BBS9: variants seen among roughly 807,000 people sequenced by gnomAD.
BBS9 encodes Bardet-Biedl syndrome 9.
Under a neutral mutation model 117.7 loss-of-function variants are expected in BBS9, and 89 were observed. The observed-to-expected ratio is 0.76, with a 90% CI of 0.64 to 0.90. BBS9 has a LOEUF of 0.90. BBS9 is among the 40% of genes least tolerant of loss of function. The pLI is 0.00. For synonymous variants in BBS9, 379 were observed against 370.9 expected (o/e 1.02, Z -0.25); for missense variants, 982 against 1,042.2 (o/e 0.94, Z 0.80).
chr7:33,428,286 G>T (rs1386629940), intron 19 of BBS9, among the ~76,000 whole-genome samples: 1 of 152,116 alleles, frequency 6.6e-6, no homozygotes, highest in Non-Finnish European at 1.5e-5. Flanking sequence ...GTGGTTCTAG[G>T]ATATTATCTC....
At chr7:33,542,788 TGTACACAC>T (rs1405695469) in intron 21 of BBS9, among the ~76,000 whole-genome samples, 3 of 107,468 alleles carry the variant, frequency 2.8e-5, no homozygotes, top group African/African-American at 7.0e-5. Flanking sequence ...TATATATATA[TGTACACAC>T]ACACACACAC....
At position 33,340,946 on chromosome 7, in the gene BBS9, G is replaced by A. The variant is rs1368268385; in HGVS notation, c.1248G>A (p.Val416=). The change falls in exon 11 of 23, where the codon GTG becomes GTA. Residue 416 remains valine (V), a synonymous_variant. Coordinates refer to ENST00000242067, the MANE Select transcript of BBS9 (RefSeq NM_198428.3). ...AAGATGACTTGAACGTTTCTGTCGTGGTTTCTCCTAACTTTGATTCAGTTT... is the reference window on the plus strand; with the variant it reads ...AAGATGACTTGAACGTTTCTGTCGTAGTTTCTCCTAACTTTGATTCAGTTT... ...EREDDLNVSV[V]VSPNFDSVSQ... 1 of 1,613,416 alleles carries A rather than the reference G, an allele frequency of 6.2e-7. No homozygotes were observed. The highest frequency in any genetic ancestry group is 8.5e-7 in the Non-Finnish European group (1 of 1,179,654).
intron 9 of BBS9, among the ~76,000 whole-genome samples, chr7:33,304,036 GGCC>G (rs1807210550): frequency 2.7e-5 from 4 of 149,348 alleles, no homozygotes; most frequent in Admixed American, 1.3e-4. Context: ...GCCTCTGCCC[GGCC>G]GCCACCCCAT....
intron 9 of BBS9, among the ~76,000 whole-genome samples, chr7:33,293,908 G>A (rs1804616024): frequency 6.6e-6 from 1 of 151,984 alleles, no homozygotes; most frequent in Non-Finnish European, 1.5e-5. Flanking sequence ...TCTACATAAA[G>A]TGTAGGTTTT....
At chr7:33,571,466 T>A (rs1352245176) in intron 21 of BBS9, among the ~76,000 whole-genome samples, 3 of 152,100 alleles carry the variant, frequency 2.0e-5, no homozygotes, top group African/African-American at 7.2e-5. Context: ...TATTCTGAGT[T>A]TGCTGAAAGT....
At chr7:33,254,528 A>G (rs1031947534) in intron 5 of BBS9, among the ~76,000 whole-genome samples, 6 of 152,332 alleles carry the variant, frequency 3.9e-5, no homozygotes, top group Admixed American at 3.3e-4. Context: ...TGTGATGAGA[A>G]CAAAGATCTA....
intron 5 of BBS9, among the ~76,000 whole-genome samples, chr7:33,206,371 G>A (rs150712873): frequency 9.3e-4 from 142 of 152,264 alleles, no homozygotes; most frequent in African/African-American, 3.2e-3. Context: ...GGCCTTTTCT[G>A]TAATAGACAT....
At chr7:33,581,146 G>GT (rs1023651842) in intron 21 of BBS9, among the ~76,000 whole-genome samples, 108 of 150,290 alleles carry the variant, frequency 7.2e-4, no homozygotes, top group East Asian at 4.3e-3. Context: ...TTTTTTATTT[G>GT]TTTTTTTTTG....
At chr7:33,310,772 T>C (rs1410869879) in intron 9 of BBS9, among the ~76,000 whole-genome samples, 1 of 152,220 alleles carries the variant, frequency 6.6e-6, no homozygotes, top group Non-Finnish European at 1.5e-5. Flanking sequence ...CTGTGATACA[T>C]GAGACAGTCC....
In BBS9 at chr7:33,351,317, C is replaced by G; in HGVS notation, c.1531C>G (p.Pro511Ala). ...EGNAVVSYSR[P>A]TDRNPDGIPR... is the part of the protein sequence containing the mutation. ...AAATGCTGTTGTTTCTTATTCCAGACCAACAGGTAAACATACAGGCTTAAT... is the reference window on the plus strand; with the variant it reads ...AAATGCTGTTGTTTCTTATTCCAGAGCAACAGGTAAACATACAGGCTTAAT... Residue 511 changes from proline to alanine, a missense_variant, in exon 14 of 23, where the codon CCA (proline) becomes GCA (alanine). Physicochemically the swap from Pro to Ala is conservative, Grantham distance 27. Transcript: ENST00000242067. 1 of 1,597,186 alleles carries G rather than the reference C, an allele frequency of 6.3e-7. No homozygotes were observed. Among genetic ancestry groups the G allele is most frequent in the South Asian group, 1.1e-5 (1 of 90,732 alleles).
rs1390721931 is a variant in BBS9, at chr7:33,187,694, C to T, written c.442+10103C>T. ...CAGCACTTTGGGAGGCTGAGGTGGGCGGAGACTTGAGGTCAGGAGTTCGAG... is the reference window on the plus strand; with the variant it reads ...CAGCACTTTGGGAGGCTGAGGTGGGTGGAGACTTGAGGTCAGGAGTTCGAG... On this transcript the variant is annotated intron_variant, in intron 5 of 22. Transcript: ENST00000242067. 3.3e-5 allele frequency among the ~76,000 whole-genome samples: 5 copies of T among 151,830 alleles called. No homozygotes were observed. In the East Asian group the frequency reaches 5.8e-4, roughly 18 times the overall value.
At chr7:33,337,903 C>A (rs568993963) in intron 10 of BBS9, among the ~76,000 whole-genome samples, 1 of 151,764 alleles carries the variant, frequency 6.6e-6, no homozygotes, top group East Asian at 1.9e-4. Context: ...TGAGATTTTG[C>A]CCTTTCCATA....
intron 5 of BBS9, among the ~76,000 whole-genome samples, chr7:33,209,544 T>G (rs1787615053): frequency 1.3e-5 from 2 of 152,332 alleles, no homozygotes; most frequent in South Asian, 4.1e-4. Flanking sequence ...GTGATTGTAC[T>G]AATTATTCCC....
At chr7:33,425,219 G>A (rs767891606) in intron 19 of BBS9, among the ~76,000 whole-genome samples, 1 of 152,138 alleles carries the variant, frequency 6.6e-6, no homozygotes, top group Non-Finnish European at 1.5e-5. Context: ...TCTAGTTATA[G>A]ATCCCATTGT....
chr7:33,581,650 C>G (rs1045682924), intron 21 of BBS9, among the ~76,000 whole-genome samples: 2 of 152,078 alleles, frequency 1.3e-5, no homozygotes, highest in African/African-American at 4.8e-5. Flanking sequence ...GTTGGTTATT[C>G]TTGTAGTTTG....
At chr7:33,348,297 C>T (rs1817976874) in intron 12 of BBS9, among the ~76,000 whole-genome samples, 1 of 152,088 alleles carries the variant, frequency 6.6e-6, no homozygotes, top group Non-Finnish European at 1.5e-5. Flanking sequence ...TTTCAAGGTT[C>T]ACCCATGTTG....
At chr7:33,341,055 G>C in intron 11 of BBS9, 82 bp downstream of exon 11, 1 of 1,247,506 alleles carries the variant, frequency 8.0e-7, no homozygotes, top group Non-Finnish European at 1.2e-6. Flanking sequence ...TTGGTTTAAA[G>C]TTTGGTCCTC....
chr7:33,284,293 G>A (rs1334917766), intron 9 of BBS9, among the ~76,000 whole-genome samples: 1 of 152,030 alleles, frequency 6.6e-6, no homozygotes, highest in Admixed American at 6.6e-5. Flanking sequence ...TTTGGGAGGT[G>A]GTAGTTATTG....
chr7:33,330,576 G>A (rs533611782), intron 9 of BBS9, among the ~76,000 whole-genome samples: 15 of 152,134 alleles, frequency 9.9e-5, no homozygotes, highest in Non-Finnish European at 2.1e-4. Context: ...TATTTTTGTA[G>A]TTTCATATTT....
Sources: allele counts gnomAD v4.1 joint callset (sites outside exome capture counted in the v4.1 genomes callset), GRCh38; gene constraint gnomAD v4.1.1; transcripts MANE v1.5; gene names NCBI Gene and HGNC (gene_info 2026-07-23, HGNC 2026-07-21).